The following ZDHHC21 variants were observed in gnomAD, a reference collection of about 807,000 sequenced individuals.
ZDHHC21 encodes palmitoyltransferase ZDHHC21.
A neutral mutation model predicts 34.6 loss-of-function variants in ZDHHC21; 15 were observed. The ratio of observed to expected loss-of-function variants is 0.43; its 90% CI spans 0.29 to 0.67. ZDHHC21 has a LOEUF of 0.67. ZDHHC21 is among the 30% of genes least tolerant of loss of function. The pLI is 0.14. For missense variants in ZDHHC21, 344 were observed against 327.7 expected (o/e 1.05, Z -0.38); for synonymous variants, 142 against 101.8 (o/e 1.40, Z -2.38).
chr9:14,635,921 G>A (rs999042796), intron 8 of ZDHHC21, among the ~76,000 whole-genome samples: 3 of 152,020 alleles, frequency 2.0e-5, no homozygotes, highest in African/African-American at 7.2e-5. Flanking sequence ...AAATAAGGAA[G>A]AGGAAGAACT....
At chr9:14,641,668 C>T (rs555362763) in intron 7 of ZDHHC21, among the ~76,000 whole-genome samples, 6 of 152,152 alleles carry the variant, frequency 3.9e-5, no homozygotes, top group Admixed American at 6.5e-5. Flanking sequence ...TACAACTTTC[C>T]CTCCAATTTC....
chr9:14,665,191 C>T (rs967640251), intron 5 of ZDHHC21, among the ~76,000 whole-genome samples: 21 of 137,404 alleles, frequency 1.5e-4, no homozygotes, highest in Non-Finnish European at 3.1e-4. Context: ...TCGAGAACTA[C>T]GTGAAGAATG....
Position 14,611,638 on chromosome 9 carries a change from A to T in ZDHHC21, c.*7328T>A, listed in dbSNP as rs1180653947. On this transcript the variant is annotated 3_prime_UTR_variant, in exon 10 of 10. Coordinates refer to ENST00000380916, the MANE Select transcript of ZDHHC21 (RefSeq NM_178566.6). ...ACTAGACAGAACTTGGGGTTCACAC[A>T]TAATTTTAGGAGCCTCAAGAATAAC... 6.6e-6 allele frequency: 1 copy of T among 152,012 alleles called. No homozygotes were observed. The highest frequency in any genetic ancestry group is 2.1e-4 in the South Asian group (1 of 4,832). The allele number at this position is 152,012 out of a possible 1,614,324, so 9.4% of individuals were successfully genotyped here. A position where few individuals can be genotyped will look rare whatever the true frequency, so the allele number is the denominator to read the frequency against.
chr9:14,641,858 C>T (rs914320520), intron 7 of ZDHHC21, among the ~76,000 whole-genome samples: 1 of 152,092 alleles, frequency 6.6e-6, no homozygotes, highest in African/African-American at 2.4e-5. Context: ...TATTATATTC[C>T]TATCCTTTTA....
intron 3 of ZDHHC21, among the ~76,000 whole-genome samples, chr9:14,676,038 T>A (rs2131555468): frequency 6.6e-6 from 1 of 152,088 alleles, no homozygotes; most frequent in Admixed American, 6.6e-5. Flanking sequence ...CATGTTAGAA[T>A]GCTAAGACTG....
Position 14,615,063 on chromosome 9 carries a change from G to T in ZDHHC21, c.*3903C>A, listed in dbSNP as rs1484884571. On this transcript the variant is annotated 3_prime_UTR_variant, in exon 10 of 10. Coordinates refer to ENST00000380916, the MANE Select transcript of ZDHHC21 (RefSeq NM_178566.6). Reference sequence around the variant, plus strand: ...AGTATTAATGGCATATTAAACCAGAGCTTGGTACATTGTGATTTTATAGCA... The same window carrying T: ...AGTATTAATGGCATATTAAACCAGATCTTGGTACATTGTGATTTTATAGCA... 1 of 151,612 alleles carries T rather than the reference G, an allele frequency of 6.6e-6. No homozygotes were observed. The highest frequency in any genetic ancestry group is 1.9e-4 in the East Asian group (1 of 5,182). The allele number at this position is 151,612 out of a possible 1,614,324, so 9.4% of individuals were successfully genotyped here.
chr9:14,604,570 G>C, the ZDHHC21 span, among the ~76,000 whole-genome samples: 1 of 152,006 alleles, frequency 6.6e-6, no homozygotes, highest in Non-Finnish European at 1.5e-5. Context: ...AACATTGCAT[G>C]TTTTTAGAAA....
chr9:14,683,982 C>A (rs1359002417), intron 2 of ZDHHC21, among the ~76,000 whole-genome samples: 1 of 152,154 alleles, frequency 6.6e-6, no homozygotes, highest in Non-Finnish European at 1.5e-5. Flanking sequence ...GCAGAAAAGG[C>A]CTTTGACAAA....
At position 14,662,332 on chromosome 9, in the gene ZDHHC21, G is replaced by C. The variant is rs373381613; in HGVS notation, c.254-6C>G. ...TAATTCCCAGAACTCCCTTTCTAAAGAAAAGAAATTAAAATCCATTTAATG... is the reference window on the plus strand; with the variant it reads ...TAATTCCCAGAACTCCCTTTCTAAACAAAAGAAATTAAAATCCATTTAATG... On this transcript the variant is annotated splice_polypyrimidine_tract_variant and splice_region_variant and intron_variant, in intron 5 of 9. Transcript: ENST00000380916. The C allele has an allele frequency of 3.9e-5, 63 of 1,595,456 alleles. No homozygotes were observed. The African/African-American group carries it at 7.8e-4, about 20-fold the overall frequency.
intron 7 of ZDHHC21, among the ~76,000 whole-genome samples, chr9:14,646,535 G>A (rs1564281429): frequency 6.6e-6 from 1 of 152,038 alleles, no homozygotes; most frequent in Non-Finnish European, 1.5e-5. Context: ...AAAAAGGAGA[G>A]GAAGAGTCAG....
In ZDHHC21 at chr9:14,615,420, C is replaced by G. The variant is rs534638855; in HGVS notation, c.*3546G>C. On this transcript the variant is annotated 3_prime_UTR_variant, in exon 10 of 10. Transcript: ENST00000380916. ...TACTGAACATTACGTATTATGTTCT[C>G]TATTTCATTATTAAAAATAAACCAT... 7 of 151,696 alleles carry G rather than the reference C, an allele frequency of 4.6e-5. No individual in the cohort carries two copies. The highest frequency in any genetic ancestry group is 3.9e-4 in the East Asian group (2 of 5,162). The allele number at this position is 151,696 out of a possible 1,614,324, so 9.4% of individuals were successfully genotyped here. A position where few individuals can be genotyped will look rare whatever the true frequency, so the allele number is the denominator to read the frequency against.
chr9:14,612,747 C>T lies in ZDHHC21; in HGVS notation c.*6219G>A, dbSNP rs1823524916. ...ATCTCTCTCTCTATATATCTACACACACATATGTACACATACATATATTTT... is the reference window on the plus strand; with the variant it reads ...ATCTCTCTCTCTATATATCTACACATACATATGTACACATACATATATTTT... On this transcript the variant is annotated 3_prime_UTR_variant, in exon 10 of 10. Coordinates refer to ENST00000380916, the MANE Select transcript of ZDHHC21 (RefSeq NM_178566.6). 1 of 151,430 alleles carries T rather than the reference C, an allele frequency of 6.6e-6. No homozygotes were observed. Among genetic ancestry groups the T allele is most frequent in the Admixed American group, 6.6e-5 (1 of 15,118 alleles). 9.4% of individuals were successfully genotyped at this position (151,430 alleles called of 1,614,324 possible). A position where few individuals can be genotyped will look rare whatever the true frequency, so the allele number is the denominator to read the frequency against.
intron 8 of ZDHHC21, among the ~76,000 whole-genome samples, chr9:14,624,245 A>C (rs12005035): frequency 0.086 from 13,065 of 152,134 alleles, 1,535 homozygotes; most frequent in African/African-American, 0.27. Context: ...CAAATACTAC[A>C]CCATTTTACA....
chr9:14,639,993 T>C lies in ZDHHC21; in HGVS notation c.524A>G (p.His175Arg). The C allele has an allele frequency of 1.2e-6, 2 of 1,602,394 alleles. No individual in the cohort carries two copies. The highest frequency in any genetic ancestry group is 1.7e-6 in the Non-Finnish European group (2 of 1,174,568). The change falls in exon 8 of 10, where the codon CAT becomes CGT. Residue 175 changes from histidine to arginine, a missense_variant. Physicochemically the swap from His to Arg is conservative, Grantham distance 29 (BLOSUM62 0). Coordinates refer to ENST00000380916, the MANE Select transcript of ZDHHC21 (RefSeq NM_178566.6). ...TGCTAGTCTCATTATGGCCAATTCA[T>C]GTCTAAAAACAAAGAGGTCCTAAAA... ...KRNLDLFVFRHELAIMRLAAF... is the reference protein window; with the variant it reads ...KRNLDLFVFRRELAIMRLAAF...
chr9:14,629,227 G>C (rs1826872494), intron 8 of ZDHHC21, among the ~76,000 whole-genome samples: 1 of 152,200 alleles, frequency 6.6e-6, no homozygotes, highest in Non-Finnish European at 1.5e-5. Context: ...TGCAGAAAGA[G>C]ATGAAACTTT....
At position 14,674,186 on chromosome 9, in the gene ZDHHC21, CTTA is replaced by C; in HGVS notation, c.152_154del (p.Ile52del). ...AAGAAAATAAAGATCAAGAAACTTACTTATTATTAATATGCCTGGAATATGTCC... is the reference window on the plus strand; with the variant it reads ...AAGAAAATAAAGATCAAGAAACTTACTTATTAATATGCCTGGAATATGTCC... On this transcript the variant is annotated inframe_deletion and splice_region_variant, in exon 4 of 10. Coordinates refer to ENST00000380916, the MANE Select transcript of ZDHHC21 (RefSeq NM_178566.6). 2 of 1,485,470 alleles carry C rather than the reference CTTA, an allele frequency of 1.3e-6. No individual in the cohort carries two copies. Among genetic ancestry groups the C allele is most frequent in the Admixed American group, 2.6e-5 (1 of 38,200 alleles). 92.0% of individuals were successfully genotyped at this position (1,485,470 alleles called of 1,614,324 possible).
intron 3 of ZDHHC21, among the ~76,000 whole-genome samples, chr9:14,678,806 C>T (rs1169373030): frequency 6.6e-6 from 1 of 152,016 alleles, no homozygotes; most frequent in African/African-American, 2.4e-5. Context: ...AATTCTAATA[C>T]ACCCATAGTG....
rs535956190 is a variant in ZDHHC21 at position 14,680,862 on chromosome 9, A to G, written c.-175-700T>C. Among the ~76,000 whole-genome samples the G allele has an allele frequency of 2.6e-5, 4 of 152,304 alleles. 1 individual carries two copies. In the South Asian group the frequency reaches 8.3e-4, roughly 32 times the overall value. On this transcript the variant is annotated intron_variant, in intron 2 of 9. Transcript: ENST00000380916. ...GACAAAACTGTTATCTCATATGGTA[A>G]GGATACTGGTTCATAGGTTGTGTTA...
chr9:14,633,502 C>T (rs1437904784), intron 8 of ZDHHC21, among the ~76,000 whole-genome samples: 1 of 152,150 alleles, frequency 6.6e-6, no homozygotes, highest in East Asian at 1.9e-4. Context: ...GGGTCCCGCA[C>T]AGCCTTTGAG....
Sources: allele counts gnomAD v4.1 joint callset (sites outside exome capture counted in the v4.1 genomes callset), GRCh38; gene constraint gnomAD v4.1.1; transcripts MANE v1.5; gene names NCBI Gene and HGNC (gene_info 2026-07-23, HGNC 2026-07-21).